The following ESR2 variants were observed in gnomAD, a reference collection of about 807,000 sequenced individuals.
ESR2 encodes estrogen receptor 2, also known as estrogen receptor beta.
Under a neutral mutation model 49.6 loss-of-function variants are expected in ESR2, and 36 were observed. The observed-to-expected ratio is 0.73, with a 90% CI of 0.56 to 0.96. The LOEUF (loss-of-function observed/expected upper bound fraction) is 0.96, where lower values mean the gene tolerates loss of function less well. Among genes scored for constraint, ESR2 ranks in the 40% least tolerant of loss-of-function variants. The pLI is 0.00. For synonymous variants in ESR2, 320 were observed against 266.1 expected, an observed-to-expected ratio of 1.20 and a Z score of -1.97; for missense variants, 714 against 693.0, an observed-to-expected ratio of 1.03 and a Z score of -0.34.
At chr14:64,292,761 T>C (rs2076893342) in intron 1 of ESR2, among the ~76,000 whole-genome samples, 1 of 152,210 alleles carries the variant, frequency 6.6e-6, no homozygotes, top group Non-Finnish European at 1.5e-5. Context: ...AGTGAACATA[T>C]CAATATCTAT....
chr14:64,248,154 A>T (rs2075905744), intron 7 of ESR2, among the ~76,000 whole-genome samples: 1 of 152,014 alleles, frequency 6.6e-6, no homozygotes, highest in Non-Finnish European at 1.5e-5. Flanking sequence ...TGATCGTGCC[A>T]CTGCATTCCA....
At chr14:64,331,417 C>A (rs1459408052) in intron 1 of ESR2, among the ~76,000 whole-genome samples, 1 of 152,212 alleles carries the variant, frequency 6.6e-6, no homozygotes, top group Non-Finnish European at 1.5e-5. Context: ...TTTTGACACA[C>A]TTTTCTCAAT....
intron 4 of ESR2, among the ~76,000 whole-genome samples, chr14:64,265,817 G>A (rs894153520): frequency 6.6e-6 from 1 of 152,132 alleles, no homozygotes; most frequent in Non-Finnish European, 1.5e-5. Flanking sequence ...AGACTACATG[G>A]TTTCAAAATA....
rs1760988 is a variant in ESR2 at position 64,230,095 on chromosome 14, A to G, written c.*3042T>C. 0.66 allele frequency among the ~76,000 whole-genome samples: 99,226 copies of G among 151,294 alleles called. 34,068 individuals carry two copies. The highest frequency in any genetic ancestry group is 0.88 in the African/African-American group (36,230 of 41,236). On this transcript the variant is annotated 3_prime_UTR_variant, in exon 9 of 9. Transcript: ENST00000341099. ...GGGCGGGAATGGGGTGGGATGGGGC[A>G]CTGTGGTGGGAGGATCGCTTGAGCC...
intron 1 of ESR2, among the ~76,000 whole-genome samples, chr14:64,305,023 G>A (rs940277938): frequency 6.6e-6 from 1 of 152,118 alleles, no homozygotes; most frequent in Non-Finnish European, 1.5e-5. Flanking sequence ...AGGCGTGGTG[G>A]CTCACGCCTG....
upstream of ESR2, chr14:64,338,609 G>A (rs1204314613): frequency 7.2e-6 from 1 of 138,464 alleles, no homozygotes; most frequent in Admixed American, 7.1e-5. Context: ...CCGAACCCGC[G>A]AAACTGTCCT....
At position 64,230,997 on chromosome 14, in the gene ESR2, C is replaced by T. The variant is rs1009164168; in HGVS notation, c.*2140G>A. 16 of 150,476 alleles carry T rather than the reference C, an allele frequency of 1.1e-4. 1 individual carries two copies. The highest frequency in any genetic ancestry group is 9.3e-4 in the Admixed American group (14 of 15,114). The allele number at this position is 150,476 out of a possible 1,614,324, so 9.3% of individuals were successfully genotyped here. ...ATCTCCCCAGGCTCAGGTGATCCTC[C>T]CACCTCAGCCTCCCAGGTAGCTGGA... is the stretch of plus-strand genomic sequence containing the variant. On this transcript the variant is annotated 3_prime_UTR_variant, in exon 9 of 9. Transcript: ENST00000341099.
intron 3 of ESR2, among the ~76,000 whole-genome samples, chr14:64,270,337 C>T (rs377552872): frequency 5.9e-5 from 9 of 152,216 alleles, no homozygotes; most frequent in African/African-American, 2.2e-4. Flanking sequence ...GACTGTCCCA[C>T]CTCTGCAGGG....
intron 1 of ESR2, among the ~76,000 whole-genome samples, chr14:64,285,721 G>C (rs1321231138): frequency 6.6e-6 from 1 of 151,274 alleles, no homozygotes; most frequent in Non-Finnish European, 1.5e-5. Flanking sequence ...CCAGCTACTC[G>C]AGAGGCTAAG....
At chr14:64,290,380 C>G (rs1470583295) in intron 1 of ESR2, among the ~76,000 whole-genome samples, 1 of 151,102 alleles carries the variant, frequency 6.6e-6, no homozygotes, top group African/African-American at 2.4e-5. Context: ...CAATTATTAT[C>G]TTTAAATGTA....
At chr14:64,296,468 C>T (rs2076959740), upstream of ESR2, among the ~76,000 whole-genome samples, 1 of 152,152 alleles carries the variant, frequency 6.6e-6, no homozygotes, top group African/African-American at 2.4e-5. Flanking sequence ...TCTATTACCC[C>T]CATTTTATAC....
chr14:64,318,537 C>CCAAA (rs2077286159), intron 1 of ESR2, among the ~76,000 whole-genome samples: 1 of 32,426 alleles, frequency 3.1e-5, no homozygotes. Flanking sequence ...AACTCCATCT[C>CCAAA]AAAAAAAAAA....
upstream of ESR2, chr14:64,297,567 C>G (rs964163979): frequency 1.3e-5 from 2 of 152,274 alleles, no homozygotes; most frequent in Non-Finnish European, 2.9e-5. Flanking sequence ...TTGGACAGCG[C>G]ATGTCTTACA....
chr14:64,239,759 T>TA (rs1421354105), intron 7 of ESR2, among the ~76,000 whole-genome samples: 1 of 152,234 alleles, frequency 6.6e-6, no homozygotes. Flanking sequence ...TCAAGAGCCA[T>TA]ATCAAAGGCT....
At chr14:64,267,193 A>G (rs2076349518) in intron 4 of ESR2, among the ~76,000 whole-genome samples, 1 of 152,176 alleles carries the variant, frequency 6.6e-6, no homozygotes, top group Non-Finnish European at 1.5e-5. Context: ...CTAAACTTTC[A>G]CAGAAAAAAA....
chr14:64,307,399 G>A (rs986136045), intron 1 of ESR2, among the ~76,000 whole-genome samples: 1 of 151,340 alleles, frequency 6.6e-6, no homozygotes, highest in African/African-American at 2.4e-5. Flanking sequence ...ATTTTTAGTA[G>A]AGATGGGGTT....
At chr14:64,325,334 G>A (rs1393227154) in intron 1 of ESR2, among the ~76,000 whole-genome samples, 1 of 152,130 alleles carries the variant, frequency 6.6e-6, no homozygotes, top group East Asian at 1.9e-4. Context: ...GAAATAAGAG[G>A]AGAGAAAATT....
chr14:64,250,282 G>A (rs2075962084), intron 6 of ESR2, among the ~76,000 whole-genome samples: 1 of 152,176 alleles, frequency 6.6e-6, no homozygotes. Context: ...TTAGAATCAG[G>A]AAAAGAAGGT....
chr14:64,236,452 C>A (rs1253858870), intron 7 of ESR2, among the ~76,000 whole-genome samples: 1 of 152,096 alleles, frequency 6.6e-6, no homozygotes, highest in Non-Finnish European at 1.5e-5. Flanking sequence ...GTGTCCCCTT[C>A]TGAGAGGCCA....
Sources: gnomAD v4.1 joint callset for allele counts (sites outside exome capture counted in the v4.1 genomes callset) on GRCh38, gnomAD v4.1.1 for gene constraint, MANE v1.5 for transcripts, NCBI Gene and HGNC (gene_info 2026-07-23, HGNC 2026-07-21) for gene names.